PPP2R3A: variants seen among roughly 807,000 people sequenced by gnomAD.
PPP2R3A encodes serine/threonine-protein phosphatase 2A regulatory subunit B'' subunit alpha.
Under a neutral mutation model 106.9 loss-of-function variants are expected in PPP2R3A, and 80 were observed. That is an observed-to-expected ratio of 0.75 (90% CI 0.62 to 0.90). The LOEUF (loss-of-function observed/expected upper bound fraction) is 0.90. PPP2R3A is among the 40% of genes least tolerant of loss of function. PPP2R3A has a pLI of 0.00. For missense variants in PPP2R3A, 1,386 were observed against 1,350.4 expected (o/e 1.03, Z -0.41); for synonymous variants, 483 against 468.3 (o/e 1.03, Z -0.41).
intron 1 of PPP2R3A, among the ~76,000 whole-genome samples, chr3:135,993,101 T>G (rs1297456226): frequency 6.6e-6 from 1 of 152,098 alleles, no homozygotes; most frequent in Non-Finnish European, 1.5e-5. Flanking sequence ...ATTGATGAAA[T>G]TAACTTACAG....
At chr3:136,017,298 A>G (rs1934311911) in intron 2 of PPP2R3A, among the ~76,000 whole-genome samples, 1 of 152,098 alleles carries the variant, frequency 6.6e-6, no homozygotes, top group Non-Finnish European at 1.5e-5. Context: ...TGCCTAGGCG[A>G]TGATCTTTTT....
At chr3:136,100,327 T>C (rs1937326897) in intron 10 of PPP2R3A, among the ~76,000 whole-genome samples, 1 of 151,630 alleles carries the variant, frequency 6.6e-6, no homozygotes, top group South Asian at 2.1e-4. Context: ...GTGGGCAATA[T>C]AGTGAGACCC....
At chr3:136,110,092 C>A (rs1242003188) in intron 13 of PPP2R3A, among the ~76,000 whole-genome samples, 1 of 152,154 alleles carries the variant, frequency 6.6e-6, no homozygotes, top group Non-Finnish European at 1.5e-5. Flanking sequence ...CACATCCCAT[C>A]TCATTCTGTC....
chr3:135,981,680 G>T (rs945902418), intron 1 of PPP2R3A, among the ~76,000 whole-genome samples: 3 of 151,724 alleles, frequency 2.0e-5, no homozygotes, highest in African/African-American at 7.3e-5. Context: ...CTATTGCAGG[G>T]ATAAAGACAG....
chr3:136,095,704 C>T (rs565315797), intron 10 of PPP2R3A, among the ~76,000 whole-genome samples: 1 of 152,086 alleles, frequency 6.6e-6, no homozygotes, highest in South Asian at 2.1e-4. Flanking sequence ...AAAATTAGGC[C>T]AATTATATAA....
At chr3:136,024,970 ATTTG>A (rs1576442537) in intron 2 of PPP2R3A, among the ~76,000 whole-genome samples, 1 of 152,172 alleles carries the variant, frequency 6.6e-6, no homozygotes, top group South Asian at 2.1e-4. Flanking sequence ...TGGATTGTCA[ATTTG>A]TTAACTCAAA....
At chr3:136,101,667 C>T (rs1559920327) in intron 10 of PPP2R3A, among the ~76,000 whole-genome samples, 1 of 152,306 alleles carries the variant, frequency 6.6e-6, no homozygotes, top group South Asian at 2.1e-4. Flanking sequence ...CTGAAGTGAT[C>T]TGCCCACCTC....
chr3:136,032,865 ATTTCTTTCTC>A (rs976235097), intron 3 of PPP2R3A, among the ~76,000 whole-genome samples: 2 of 151,990 alleles, frequency 1.3e-5, no homozygotes, highest in Non-Finnish European at 2.9e-5. Context: ...GGTGCCCTTT[ATTTCTTTCTC>A]TTGTTTGATT....
chr3:136,108,289 T>A (rs945857095), intron 13 of PPP2R3A, among the ~76,000 whole-genome samples: 5 of 152,120 alleles, frequency 3.3e-5, no homozygotes, highest in African/African-American at 1.2e-4. Flanking sequence ...AATGGGAAGA[T>A]TAATAAAATT....
chr3:136,030,563 C>T (rs1052082873), intron 3 of PPP2R3A, among the ~76,000 whole-genome samples: 1 of 151,822 alleles, frequency 6.6e-6, no homozygotes, highest in Non-Finnish European at 1.5e-5. Context: ...CCACCCTTTA[C>T]CCCTTAGTCC....
chr3:136,053,128 T>C (rs1387112539), intron 5 of PPP2R3A, among the ~76,000 whole-genome samples: 2 of 152,074 alleles, frequency 1.3e-5, no homozygotes, highest in South Asian at 2.1e-4. Flanking sequence ...GCGGTCTACT[T>C]GAGGGTGGAA....
intron 5 of PPP2R3A, among the ~76,000 whole-genome samples, chr3:136,050,014 A>G (rs1935627429): frequency 6.6e-6 from 1 of 152,222 alleles, no homozygotes; most frequent in Non-Finnish European, 1.5e-5. Context: ...AGAGAAAAAA[A>G]AGACCCAGAA....
chr3:136,112,734 A>G (rs1937613592), intron 13 of PPP2R3A, among the ~76,000 whole-genome samples: 1 of 152,240 alleles, frequency 6.6e-6, no homozygotes, highest in South Asian at 2.1e-4. Context: ...GGAAGAATCA[A>G]TATTGTTAAC....
intron 1 of PPP2R3A, among the ~76,000 whole-genome samples, chr3:135,969,641 A>G (rs1043092946): frequency 6.6e-6 from 1 of 152,232 alleles, no homozygotes; most frequent in African/African-American, 2.4e-5. Context: ...AAGGCTGTGG[A>G]TGAAATTATC....
At chr3:135,992,210 A>T (rs1933197332) in intron 1 of PPP2R3A, among the ~76,000 whole-genome samples, 1 of 152,098 alleles carries the variant, frequency 6.6e-6, no homozygotes. Context: ...TGAGTCATCC[A>T]CCCAAGATTG....
intron 2 of PPP2R3A, among the ~76,000 whole-genome samples, chr3:136,007,477 A>G (rs1203310647): frequency 1.3e-5 from 2 of 152,202 alleles, no homozygotes; most frequent in Non-Finnish European, 2.9e-5. Context: ...CTAGACCTCT[A>G]AGTCTTTTAA....
At chr3:136,065,121 T>TA (rs1936220298) in intron 5 of PPP2R3A, among the ~76,000 whole-genome samples, 2 of 152,174 alleles carry the variant, frequency 1.3e-5, no homozygotes, top group African/African-American at 4.8e-5. Flanking sequence ...TTTTGCAGCT[T>TA]ACAAAGATAA....
intron 1 of PPP2R3A, among the ~76,000 whole-genome samples, chr3:135,998,923 T>A (rs115423366): frequency 0.021 from 3,249 of 152,272 alleles, 124 homozygotes; most frequent in African/African-American, 0.073. Context: ...CATAAGAATA[T>A]CAACAGTGTT....
intron 5 of PPP2R3A, among the ~76,000 whole-genome samples, chr3:136,052,483 G>A (rs1472281619): frequency 6.6e-6 from 1 of 152,126 alleles, no homozygotes. Context: ...CCTCCTGTCA[G>A]TAGTCTCTGG....
Sources: allele counts gnomAD v4.1 joint callset (sites outside exome capture counted in the v4.1 genomes callset), GRCh38; gene constraint gnomAD v4.1.1; transcripts MANE v1.5; gene names NCBI Gene and HGNC (gene_info 2026-07-23, HGNC 2026-07-21).